PTRH2: variants seen among roughly 807,000 people sequenced by gnomAD.
The protein encoded by PTRH2 is peptidyl-tRNA hydrolase 2, mitochondrial.
PTRH2 carries 10 observed loss-of-function variants against 12.3 expected under a neutral mutation model. The ratio of observed to expected loss-of-function variants is 0.81; its 90% CI spans 0.50 to 1.38. PTRH2 has a LOEUF of 1.38. Among genes scored for constraint, PTRH2 ranks in the 40% most tolerant of loss-of-function variants. The pLI is 0.00. For missense variants in PTRH2, 176 were observed against 214.1 expected, an observed-to-expected ratio of 0.82 and a Z score of 1.11; for synonymous variants, 73 against 77.4, an observed-to-expected ratio of 0.94 and a Z score of 0.30.
In PTRH2 at chr17:59,697,841, G is replaced by A. The variant is rs773538437; in HGVS notation, c.138C>T (p.Ser46=). 2 of 1,614,128 alleles carry A rather than the reference G, an allele frequency of 1.2e-6. No individual in the cohort carries two copies. Among genetic ancestry groups the A allele is most frequent in the Non-Finnish European group, 1.7e-6 (2 of 1,180,028 alleles). Residue 46 remains serine, a synonymous_variant, in exon 2 of 2, where the codon AGC becomes AGT. Coordinates refer to ENST00000393038, the MANE Select transcript of PTRH2 (RefSeq NM_016077.5). ...CFGMLPKSKT[S]KTHTDTESEA... is the part of the protein sequence containing the mutation. ...CACTTTCAGTATCTGTGTGTGTCTTGCTCGTCTTGCTTTTGGGGAGCATCC... is the reference window on the plus strand; with the variant it reads ...CACTTTCAGTATCTGTGTGTGTCTTACTCGTCTTGCTTTTGGGGAGCATCC...
chr17:59,702,455 C>A (rs936606558), intron 1 of PTRH2, among the ~76,000 whole-genome samples: 8 of 152,278 alleles, frequency 5.3e-5, no homozygotes, highest in Non-Finnish European at 1.2e-4. Context: ...GTAATGTTAG[C>A]GATGGGGAGT....
chr17:59,699,342 CA>C (rs566632151), intron 1 of PTRH2: 182 of 160,648 alleles, frequency 1.1e-3, no homozygotes, highest in African/African-American at 4.2e-3. Context: ...CTCCTTATTG[CA>C]AAGATCTTTA....
rs771215869 is a variant in PTRH2 at position 59,697,932 on chromosome 17, G to C, written c.47C>G (p.Thr16Arg). 6.2e-7 allele frequency: 1 copy of C among 1,613,932 alleles called. No homozygotes were observed. Among genetic ancestry groups the C allele is most frequent in the Non-Finnish European group, 8.5e-7 (1 of 1,180,024 alleles). ...AGCAACTCCAACAGCCAAGCCGAGT[G>C]TACTGGGATGAGCCAAATATTCCAT... Reference protein sequence around the residue: ...LVMEYLAHPSTLGLAVGVACG... With the variant: ...LVMEYLAHPSRLGLAVGVACG... Residue 16 changes from threonine to arginine, a missense_variant, in exon 2 of 2, where the codon ACA (threonine) becomes AGA (arginine). By Grantham distance (71) the Thr-to-Arg change is moderately conservative. Transcript: ENST00000393038.
At chr17:59,703,573 C>T (rs961977370) in intron 1 of PTRH2, among the ~76,000 whole-genome samples, 4 of 152,120 alleles carry the variant, frequency 2.6e-5, no homozygotes, top group Non-Finnish European at 2.9e-5. Flanking sequence ...GGCACAATCT[C>T]GGCTCACTGC....
chr17:59,697,893 A>C lies in PTRH2; in HGVS notation c.86T>G (p.Leu29Arg). ...AAAGCATACTCGAAGGCTCCAGCCC[A>C]GGCACATGCCACAAGCAACTCCAAC... is the stretch of plus-strand genomic sequence containing the variant. ...LAVGVACGMC[L>R]GWSLRVCFGM... Residue 29 changes from leucine to arginine, a missense_variant, in exon 2 of 2, where the codon CTG becomes CGG. By Grantham distance (102) the Leu-to-Arg change is moderately radical. Coordinates refer to ENST00000393038, the MANE Select transcript of PTRH2 (RefSeq NM_016077.5). The C allele has an allele frequency of 3.1e-6, 5 of 1,614,146 alleles. No individual in the cohort carries two copies. Among genetic ancestry groups the C allele is most frequent in the Non-Finnish European group, 4.2e-6 (5 of 1,180,022 alleles).
At chr17:59,705,298 C>T (rs1160365752) in intron 1 of PTRH2, among the ~76,000 whole-genome samples, 1 of 152,182 alleles carries the variant, frequency 6.6e-6, no homozygotes, top group East Asian at 1.9e-4. Context: ...TGCTGGATAA[C>T]ATACTAAATC....
In PTRH2 at chr17:59,698,123, G is replaced by A. The variant is rs1281119778; in HGVS notation, c.1-145C>T. ...ACCTTTGATCTTATGCCTGCACCCTGTTTCCAACACCCTCTTGCCCACCAC... is the reference window on the plus strand; with the variant it reads ...ACCTTTGATCTTATGCCTGCACCCTATTTCCAACACCCTCTTGCCCACCAC... On this transcript the variant is annotated intron_variant, in intron 1 of 1. Transcript: ENST00000393038. 1.8e-5 allele frequency: 14 copies of A among 760,902 alleles called. 1 individual carries two copies. The South Asian group carries it at 2.7e-4, about 14-fold the overall frequency. 47.1% of individuals were successfully genotyped at this position (760,902 alleles called of 1,614,324 possible).
At chr17:59,701,840 C>A (rs1400316023) in intron 1 of PTRH2, among the ~76,000 whole-genome samples, 1 of 151,816 alleles carries the variant, frequency 6.6e-6, no homozygotes, top group Non-Finnish European at 1.5e-5. Context: ...CTACAGGCAC[C>A]CACCATCACA....
At chr17:59,701,947 G>A (rs551238164) in intron 1 of PTRH2, among the ~76,000 whole-genome samples, 50 of 149,594 alleles carry the variant, frequency 3.3e-4, no homozygotes, top group Non-Finnish European at 4.4e-4. Flanking sequence ...CTCGTGATCC[G>A]CCCACCTCGG....
intron 1 of PTRH2, among the ~76,000 whole-genome samples, chr17:59,705,456 G>A (rs2033623231): frequency 6.6e-6 from 1 of 152,056 alleles, no homozygotes; most frequent in African/African-American, 2.4e-5. Context: ...GTCTCCCTCT[G>A]TCACCCAGGC....
chr17:59,705,961 A>G (rs1228869872), intron 1 of PTRH2, among the ~76,000 whole-genome samples: 1 of 152,130 alleles, frequency 6.6e-6, no homozygotes, highest in Non-Finnish European at 1.5e-5. Flanking sequence ...GAAAGTTCCA[A>G]AAGTTACCAA....
At chr17:59,698,386 T>C (rs2033489321) in intron 1 of PTRH2, 2 of 226,748 alleles carry the variant, frequency 8.8e-6, no homozygotes, top group Non-Finnish European at 1.7e-5. Context: ...GGAGATGGTA[T>C]CAAATCAGTT....
Position 59,698,137 on chromosome 17 carries a change from C to G in PTRH2, c.1-159G>C, listed in dbSNP as rs978988588. 7.4e-6 allele frequency: 5 copies of G among 674,198 alleles called. No homozygotes were observed. In the African/African-American group the frequency reaches 9.1e-5, roughly 12 times the overall value. The allele number at this position is 674,198 out of a possible 1,614,324, so 41.8% of individuals were successfully genotyped here. On this transcript the variant is annotated intron_variant, in intron 1 of 1. Coordinates refer to ENST00000393038, the MANE Select transcript of PTRH2 (RefSeq NM_016077.5). Reference sequence around the variant, plus strand: ...GCCTGCACCCTGTTTCCAACACCCTCTTGCCCACCACCAGTGTACTAGAAA... The same window carrying G: ...GCCTGCACCCTGTTTCCAACACCCTGTTGCCCACCACCAGTGTACTAGAAA...
chr17:59,697,320 AG>A lies in PTRH2; in HGVS notation c.*118del. 1 of 1,200,632 alleles carries A rather than the reference AG, an allele frequency of 8.3e-7. No individual in the cohort carries two copies. 74.4% of individuals were successfully genotyped at this position (1,200,632 alleles called of 1,614,324 possible). The stretch of plus-strand genomic sequence containing the variant: ...ACTGCCAACCATAGAACATGGGAAT[AG>A]GTTTTATTTTCATCTCAAGAACATT... On this transcript the variant is annotated 3_prime_UTR_variant, in exon 2 of 2. Transcript: ENST00000393038.
chr17:59,706,941 G>A (rs920114379), intron 1 of PTRH2, among the ~76,000 whole-genome samples: 10 of 151,836 alleles, frequency 6.6e-5, no homozygotes, highest in African/African-American at 2.4e-4. Flanking sequence ...CCAAAGTGCT[G>A]GGATTACAGG....
At position 59,704,125 on chromosome 17, in the gene PTRH2, A is replaced by G. The variant is rs538571706; in HGVS notation, c.-1+3246T>C. ...GCCCTGCCGAGCCCTTGTTCTTAACATTACTATATCAGGCCTCTCCCAGCA... is the reference window on the plus strand; with the variant it reads ...GCCCTGCCGAGCCCTTGTTCTTAACGTTACTATATCAGGCCTCTCCCAGCA... On this transcript the variant is annotated intron_variant, in intron 1 of 1. Transcript: ENST00000393038. Among the ~76,000 whole-genome samples the G allele has an allele frequency of 1.4e-4, 21 of 152,316 alleles. No individual in the cohort carries two copies. In the South Asian group the frequency reaches 4.4e-3, roughly 32 times the overall value.
rs982540987 is a variant in PTRH2 at position 59,699,129 on chromosome 17, CA to C, written c.1-1152del. ...CTTTTCACTATATATTTCTCTGTAG[CA>C]AGCAAGAGCATCCTGTATCTGCGCC... is the stretch of plus-strand genomic sequence containing the variant. On this transcript the variant is annotated intron_variant, in intron 1 of 1. Coordinates refer to ENST00000393038, the MANE Select transcript of PTRH2 (RefSeq NM_016077.5). 1.2e-4 allele frequency: 48 copies of C among 413,086 alleles called. No homozygotes were observed. In the African/African-American group the frequency reaches 1.3e-3, roughly 11 times the overall value. The allele number at this position is 413,086 out of a possible 1,614,324, so 25.6% of individuals were successfully genotyped here. A position where few individuals can be genotyped will look rare whatever the true frequency, so the allele number is the denominator to read the frequency against.
At position 59,697,728 on chromosome 17, in the gene PTRH2, G is replaced by A. The variant is rs770091619; in HGVS notation, c.251C>T (p.Ala84Val). 6.8e-6 allele frequency: 11 copies of A among 1,614,030 alleles called. No homozygotes were observed. In the Admixed American group the frequency reaches 1.7e-4, roughly 24 times the overall value. Reference protein sequence around the residue: ...DLKMGKGKVAAQCSHAAVSAY... With the variant: ...DLKMGKGKVAVQCSHAAVSAY... ...TGAAACAGCAGCATGAGAGCACTGG[G>A]CAGCCACTTTCCCTTTTCCCATCTT... Residue 84 changes from alanine to valine, a missense_variant, in exon 2 of 2, where the codon GCC becomes GTC. Coordinates refer to ENST00000393038, the MANE Select transcript of PTRH2 (RefSeq NM_016077.5).
intron 1 of PTRH2, chr17:59,699,985 C>G (rs1319767434): frequency 1.3e-5 from 2 of 152,280 alleles, no homozygotes; most frequent in Non-Finnish European, 2.9e-5. Flanking sequence ...TTCCCGTGAT[C>G]ACATGGGTGA....
Sources: gnomAD v4.1 joint callset for allele counts (sites outside exome capture counted in the v4.1 genomes callset) on GRCh38, gnomAD v4.1.1 for gene constraint, MANE v1.5 for transcripts, NCBI Gene and HGNC (gene_info 2026-07-23, HGNC 2026-07-21) for gene names.